The following PIEZO1 variants were observed in gnomAD, a reference collection of about 807,000 sequenced individuals.
The protein encoded by PIEZO1 is piezo type mechanosensitive ion channel component 1 (Er blood group), also known as piezo-type mechanosensitive ion channel component 1.
Under a neutral mutation model 297.2 loss-of-function variants are expected in PIEZO1, and 296 were observed. That is an observed-to-expected ratio of 1.00 (90% CI 0.91 to 1.10). The LOEUF (loss-of-function observed/expected upper bound fraction) is 1.10, where lower values mean the gene tolerates loss of function less well. Ranked by LOEUF, PIEZO1 falls within the 50% of genes least tolerant of loss-of-function variation. The pLI, the probability that PIEZO1 is intolerant of heterozygous loss-of-function variation, is 0.00. For missense variants in PIEZO1, 5,018 were observed against 3,455.5 expected, an observed-to-expected ratio of 1.45 and a Z score of -11.34; for synonymous variants, 2,427 against 1,507.5, an observed-to-expected ratio of 1.61 and a Z score of -14.13.
intron 5 of PIEZO1, 155 bp downstream of exon 5, chr16:88,741,323 C>T (rs1375193969): frequency 1.8e-5 from 12 of 673,384 alleles, no homozygotes; most frequent in Middle Eastern, 4.2e-4. Context: ...GGCTGGGCCC[C>T]GGGGTGGGAT....
chr16:88,722,342 G>C lies in PIEZO1; in HGVS notation c.4831C>G (p.Leu1611Val), dbSNP rs1473980601. Reference protein sequence around the residue: ...SSMTDDMGSPLSTGYHTRSGS... With the variant: ...SSMTDDMGSPVSTGYHTRSGS... ...CTGCGCGTGTGGTAGCCGGTGCTCA[G>C]GGGGCTGCCCATGTCGTCTGTCATG... Residue 1611 changes from leucine to valine, a missense_variant, in exon 36 of 51, where the codon CTG becomes GTG. Coordinates refer to ENST00000301015, the MANE Select transcript of PIEZO1 (RefSeq NM_001142864.4). The C allele has an allele frequency of 1.3e-6, 2 of 1,539,758 alleles. No homozygotes were observed. Among genetic ancestry groups the C allele is most frequent in the Non-Finnish European group, 1.8e-6 (2 of 1,142,228 alleles).
intron 1 of PIEZO1, among the ~76,000 whole-genome samples, chr16:88,778,625 G>A (rs1188725141): frequency 6.6e-6 from 1 of 152,200 alleles, no homozygotes; most frequent in African/African-American, 2.4e-5. Context: ...CTCAGAGCCG[G>A]CACCCGGGAC....
chr16:88,716,139 T>C lies in PIEZO1; in HGVS notation c.7130-20A>G. 1.3e-6 allele frequency: 2 copies of C among 1,534,044 alleles called. No individual in the cohort carries two copies. Among genetic ancestry groups the C allele is most frequent in the Admixed American group, 2.0e-5 (1 of 50,232 alleles). ...CCTCATCTGGGATGGAGGGAGAAGA[T>C]CGTTGAGGCCGCAGGTCACCCCTCT... On this transcript the variant is annotated intron_variant, in intron 49 of 50. Coordinates refer to ENST00000301015, the MANE Select transcript of PIEZO1 (RefSeq NM_001142864.4).
At chr16:88,763,015 G>A (rs936059674) in intron 1 of PIEZO1, among the ~76,000 whole-genome samples, 1 of 152,208 alleles carries the variant, frequency 6.6e-6, no homozygotes, top group African/African-American at 2.4e-5. Context: ...GCCATCATGG[G>A]GGTAGCCCGT....
Position 88,737,554 on chromosome 16 carries a change from C to T in PIEZO1, c.1195+5G>A. On this transcript the variant is annotated splice_donor_5th_base_variant and intron_variant, in intron 10 of 50. Transcript: ENST00000301015. Reference sequence around the variant, plus strand: ...CAGCCATACCTTGCAGTGTGCGGTACTCACCAGGCCGCCGCAGGACGGAGC... The same window carrying T: ...CAGCCATACCTTGCAGTGTGCGGTATTCACCAGGCCGCCGCAGGACGGAGC... 6.5e-7 allele frequency: 1 copy of T among 1,528,156 alleles called. No homozygotes were observed. The highest frequency in any genetic ancestry group is 8.8e-7 in the Non-Finnish European group (1 of 1,141,530). The allele number at this position is 1,528,156 out of a possible 1,614,324, so 94.7% of individuals were successfully genotyped here. A position where few individuals can be genotyped will look rare whatever the true frequency, so the allele number is the denominator to read the frequency against.
At chr16:88,768,391 TG>T (rs1238284471) in intron 1 of PIEZO1, among the ~76,000 whole-genome samples, 1 of 152,070 alleles carries the variant, frequency 6.6e-6, no homozygotes, top group East Asian at 1.9e-4. Flanking sequence ...TTGTTCCCTG[TG>T]GGGGGTGGGG....
At chr16:88,725,932 A>G (rs1396045907) in intron 27 of PIEZO1, 56 of 568,754 alleles carry the variant, frequency 9.8e-5, no homozygotes, top group Non-Finnish European at 1.6e-4. Context: ...TGCAGGGAAG[A>G]AGGCAAAGCT....
At chr16:88,725,738 T>TG in intron 27 of PIEZO1, 54 bp from the exon 28 acceptor site, 1 of 940,376 alleles carries the variant, frequency 1.1e-6, no homozygotes, top group Non-Finnish European at 1.7e-6. Flanking sequence ...CCCAGCAACA[T>TG]GGGCAGCCGC....
At chr16:88,783,065 T>C (rs970119567) in intron 1 of PIEZO1, among the ~76,000 whole-genome samples, 1 of 152,226 alleles carries the variant, frequency 6.6e-6, no homozygotes, top group Non-Finnish European at 1.5e-5. Flanking sequence ...CAGTCATCAC[T>C]ATTCTTTAAA....
intron 44 of PIEZO1, chr16:88,717,857 G>C (rs976216698): frequency 2.6e-5 from 11 of 430,000 alleles, no homozygotes; most frequent in African/African-American, 2.3e-4. Context: ...CAACTGCTGG[G>C]TGTGGCGGCT....
chr16:88,784,977 C>G lies in PIEZO1; in HGVS notation c.-13G>C. The G allele has an allele frequency of 7.5e-7, 1 of 1,330,218 alleles. No individual in the cohort carries two copies. The highest frequency in any genetic ancestry group is 9.7e-7 in the Non-Finnish European group (1 of 1,031,994). The allele number at this position is 1,330,218 out of a possible 1,614,324, so 82.4% of individuals were successfully genotyped here. A position where few individuals can be genotyped will look rare whatever the true frequency, so the allele number is the denominator to read the frequency against. On this transcript the variant is annotated 5_prime_UTR_variant, in exon 1 of 51. Coordinates refer to ENST00000301015, the MANE Select transcript of PIEZO1 (RefSeq NM_001142864.4). ...CGTGCGGCTCCATGGCTGGAGGGCCCAGGGCCCGGCCCAGACCGAGCGGAC... is the reference window on the plus strand; with the variant it reads ...CGTGCGGCTCCATGGCTGGAGGGCCGAGGGCCCGGCCCAGACCGAGCGGAC...
At chr16:88,741,326 G>A in intron 5 of PIEZO1, 152 bp downstream of exon 5, 1 of 679,238 alleles carries the variant, frequency 1.5e-6, no homozygotes, top group Non-Finnish European at 2.4e-6. Context: ...TGGGCCCCGG[G>A]GTGGGATTTG....
At chr16:88,727,736 C>A in intron 22 of PIEZO1, 75 bp from the exon 23 acceptor site, 2 of 671,586 alleles carry the variant, frequency 3.0e-6, no homozygotes, top group East Asian at 3.0e-5. Flanking sequence ...CACCCGTTGA[C>A]CCGAGTCTAT....
chr16:88,742,688 C>T (rs1905766092), intron 2 of PIEZO1: 2 of 484,542 alleles, frequency 4.1e-6, no homozygotes, highest in African/African-American at 3.9e-5. Context: ...AAAGGCCTCC[C>T]AGGCTCAGAG....
At position 88,785,104 on chromosome 16, in the gene PIEZO1, G is replaced by C. The variant is rs1033892073; in HGVS notation, c.-140C>G. The C allele has an allele frequency of 2.1e-4, 92 of 435,616 alleles. No individual in the cohort carries two copies. The highest frequency in any genetic ancestry group is 1.7e-3 in the African/African-American group (84 of 48,088). 27.0% of individuals were successfully genotyped at this position (435,616 alleles called of 1,614,324 possible). A position where few individuals can be genotyped will look rare whatever the true frequency, so the allele number is the denominator to read the frequency against. ...CTTCTCCTCTTCCTCCTTCTCCTTCGGCCGCCCCGCCGGTGCCGACGTCCC... is the reference window on the plus strand; with the variant it reads ...CTTCTCCTCTTCCTCCTTCTCCTTCCGCCGCCCCGCCGGTGCCGACGTCCC... On this transcript the variant is annotated 5_prime_UTR_variant, in exon 1 of 51. Transcript: ENST00000301015.
intron 44 of PIEZO1, 76 bp from the exon 45 acceptor site, chr16:88,717,287 C>T: frequency 7.4e-7 from 1 of 1,350,664 alleles, no homozygotes; most frequent in Non-Finnish European, 1.0e-6. Flanking sequence ...CTCCAGCTCA[C>T]CCAGCAGCCC....
chr16:88,754,134 TC>T (rs1340957854), intron 1 of PIEZO1, among the ~76,000 whole-genome samples: 1 of 152,064 alleles, frequency 6.6e-6, no homozygotes, highest in Non-Finnish European at 1.5e-5. Flanking sequence ...ATGGCCCACA[TC>T]CAGCTCCTTG....
chr16:88,721,273 G>T lies in PIEZO1; in HGVS notation c.5561C>A (p.Thr1854Asn). The T allele has an allele frequency of 6.5e-7, 1 of 1,544,044 alleles. No homozygotes were observed. Among genetic ancestry groups the T allele is most frequent in the Non-Finnish European group, 8.7e-7 (1 of 1,146,574 alleles). Residue 1854 changes from threonine (T) to asparagine (N), a missense_variant, in exon 39 of 51, where the codon ACC becomes AAC. Thr to Asn is a moderately conservative substitution (Grantham distance 65, BLOSUM62 0). Transcript: ENST00000301015. ...CCTGAGCTCCACTTGGGGTTCTGGGGTCCCGTCCGTGGGTCCGACCCTGGC... is the reference window on the plus strand; with the variant it reads ...CCTGAGCTCCACTTGGGGTTCTGGGTTCCCGTCCGTGGGTCCGACCCTGGC... ...VEARVGPTDG[T>N]PEPQVELRPR...
chr16:88,724,037 C>A, intron 30 of PIEZO1, 66 bp from the exon 31 acceptor site: 2 of 977,074 alleles, frequency 2.0e-6, no homozygotes, highest in Non-Finnish European at 3.2e-6. Context: ...ACCCCCTCCG[C>A]CTGCATGGGC....
Sources: gnomAD v4.1 joint callset for allele counts (sites outside exome capture counted in the v4.1 genomes callset) on GRCh38, gnomAD v4.1.1 for gene constraint, MANE v1.5 for transcripts, NCBI Gene and HGNC (gene_info 2026-07-23, HGNC 2026-07-21) for gene names.